Variants in PTBP1 observed in about 807,000 individuals in gnomAD.
PTBP1 encodes the protein polypyrimidine tract-binding protein 1.
In PTBP1, 8 loss-of-function variants were observed where a neutral mutation model predicts 59.8. The observed-to-expected ratio is 0.13, with a 90% CI of 0.08 to 0.24. The LOEUF is 0.24. Ranked by LOEUF, PTBP1 falls within the 10% of genes least tolerant of loss-of-function variation. The pLI, the probability that PTBP1 is intolerant of heterozygous loss-of-function variation, is 1.00. For synonymous variants in PTBP1, 490 were observed against 320.7 expected (o/e 1.53, Z -5.64); for missense variants, 686 against 767.0 (o/e 0.89, Z 1.25).
intron 9 of PTBP1, chr19:806,101 G>A (rs933789533): frequency 6.2e-6 from 2 of 324,686 alleles, no homozygotes; most frequent in Non-Finnish European, 1.1e-5. Context: ...GACGGGCCCT[G>A]CTTGCCGAGG....
At chr19:810,505 C>A in intron 13 of PTBP1, 38 bp from the exon 14 acceptor site, 1 of 1,587,960 alleles carries the variant, frequency 6.3e-7, no homozygotes, top group East Asian at 2.2e-5. Flanking sequence ...GCCCCCACCC[C>A]CACGCGGCCC....
chr19:797,928 G>T (rs1389219554), intron 1 of PTBP1, among the ~76,000 whole-genome samples: 1 of 148,668 alleles, frequency 6.7e-6, no homozygotes, highest in Non-Finnish European at 1.5e-5. Flanking sequence ...GTCCCCGTTG[G>T]CCCCAGCGCG....
intron 10 of PTBP1, 25 bp from the exon 11 acceptor site, chr19:807,844 C>A: frequency 6.2e-7 from 1 of 1,611,658 alleles, no homozygotes. Context: ...TGTCCCTCCG[C>A]TGCCTTGCTC....
chr19:810,084 A>G (rs570912927), intron 13 of PTBP1, among the ~76,000 whole-genome samples: 1 of 152,318 alleles, frequency 6.6e-6, no homozygotes, highest in East Asian at 1.9e-4. Flanking sequence ...AGGCAGGCAG[A>G]TCACCTGAGG....
At position 807,886 on chromosome 19, in the gene PTBP1, C is replaced by A; in HGVS notation, c.1137C>A (p.Ser379Arg). ...CTCTAAAGAGAGTCACACCCCAAAGCCTCTTTATTCTTTTCGGTATGTTAT... is the reference window on the plus strand; with the variant it reads ...CTCTAAAGAGAGTCACACCCCAAAGACTCTTTATTCTTTTCGGTATGTTAT... The part of the protein sequence containing the change: ...NLNPERVTPQ[S>R]LFILFGVYGD... The change falls in exon 11 of 15, where the codon AGC becomes AGA. Residue 379 changes from serine (S) to arginine (R), a missense_variant. Transcript: ENST00000356948. The A allele has an allele frequency of 6.2e-7, 1 of 1,613,550 alleles. No homozygotes were observed. Among genetic ancestry groups the A allele is most frequent in the Non-Finnish European group, 8.5e-7 (1 of 1,179,484 alleles).
In PTBP1 at chr19:805,571, T is replaced by C; in HGVS notation, c.970+2T>C. 6.2e-7 allele frequency: 1 copy of C among 1,612,644 alleles called. No individual in the cohort carries two copies. Among genetic ancestry groups the C allele is most frequent in the Non-Finnish European group, 8.5e-7 (1 of 1,178,694 alleles). On this transcript the variant is annotated splice_donor_variant, in intron 9 of 14. Transcript: ENST00000356948. LOFTEE classifies it high-confidence loss of function. ...CCTTTGCCATTCCTCAAGCTGCAGGTATTCAAACGCTTGGTCTTGGTTCCC... is the reference window on the plus strand; with the variant it reads ...CCTTTGCCATTCCTCAAGCTGCAGGCATTCAAACGCTTGGTCTTGGTTCCC...
intron 2 of PTBP1, among the ~76,000 whole-genome samples, chr19:800,413 A>G (rs919974757): frequency 2.0e-5 from 3 of 152,018 alleles, no homozygotes; most frequent in Non-Finnish European, 4.4e-5. Flanking sequence ...GGAGAAGAAG[A>G]AGGTCCTGGG....
intron 13 of PTBP1, among the ~76,000 whole-genome samples, chr19:809,692 C>G (rs2034763978): frequency 6.6e-6 from 1 of 152,134 alleles, no homozygotes; most frequent in African/African-American, 2.4e-5. Flanking sequence ...GAGTTAAGAC[C>G]AGCCTGAGCA....
chr19:799,701 G>T (rs1013435621), intron 2 of PTBP1, among the ~76,000 whole-genome samples: 2 of 152,212 alleles, frequency 1.3e-5, no homozygotes, highest in African/African-American at 4.8e-5. Flanking sequence ...GCTGTCAGCA[G>T]CGAGGGCTCT....
At position 803,619 on chromosome 19, in the gene PTBP1, G is replaced by A; in HGVS notation, c.98G>A (p.Ser33Asn). The change falls in exon 3 of 15, where the codon AGC becomes AAC. Residue 33 changes from serine (S) to asparagine (N), a missense_variant. By Grantham distance (46) the Ser-to-Asn change is conservative. Coordinates refer to ENST00000356948, the MANE Select transcript of PTBP1 (RefSeq NM_002819.5). ...ACTAACGGACCGTTTATCATGAGCA[G>A]CAACTCGGCTTCTGCAGGTAAGGCC... ...CVTNGPFIMS[S>N]NSASAANGND... The A allele has an allele frequency of 1.2e-6, 2 of 1,614,174 alleles. No individual in the cohort carries two copies. Among genetic ancestry groups the A allele is most frequent in the South Asian group, 1.1e-5 (1 of 91,090 alleles).
In PTBP1 at chr19:811,284, G is replaced by A. The variant is rs1460916888; in HGVS notation, c.*458G>A. 4 of 153,112 alleles carry A rather than the reference G, an allele frequency of 2.6e-5. No homozygotes were observed. The highest frequency in any genetic ancestry group is 9.6e-5 in the African/African-American group (4 of 41,498). 9.5% of individuals were successfully genotyped at this position (153,112 alleles called of 1,614,324 possible). On this transcript the variant is annotated 3_prime_UTR_variant, in exon 15 of 15. Coordinates refer to ENST00000356948, the MANE Select transcript of PTBP1 (RefSeq NM_002819.5). ...GGCTCCTGCAGGATCATGCAGCTGG[G>A]GCGCGGCGGCCGCGGCTGCGACACC...
At chr19:798,447 A>G (rs1464058700) in intron 1 of PTBP1, 1 of 152,230 alleles carries the variant, frequency 6.6e-6, no homozygotes, top group East Asian at 1.9e-4. Flanking sequence ...GGGTTCAGTC[A>G]CTTTTAAAAG....
chr19:808,351 C>T lies in PTBP1; in HGVS notation c.1154-9C>T, dbSNP rs371104900. On this transcript the variant is annotated splice_polypyrimidine_tract_variant and intron_variant, in intron 11 of 14. Coordinates refer to ENST00000356948, the MANE Select transcript of PTBP1 (RefSeq NM_002819.5). The surrounding 1 kb of genome is among the most constrained non-coding windows in gnomAD (Gnocchi z 4.7). Reference sequence around the variant, plus strand: ...AGGAGACTCAGGCCCCATCCCTGGGCTTTTGAAGGCGTCTACGGTGACGTG... The same window carrying T: ...AGGAGACTCAGGCCCCATCCCTGGGTTTTTGAAGGCGTCTACGGTGACGTG... 467 of 1,588,964 alleles carry T rather than the reference C, an allele frequency of 2.9e-4. No individual in the cohort carries two copies. Among genetic ancestry groups the T allele is most frequent in the Middle Eastern group, 1.6e-3 (7 of 4,506 alleles).
chr19:804,512 C>T lies in PTBP1; in HGVS notation c.436-20C>T, dbSNP rs749596706. On this transcript the variant is annotated intron_variant, in intron 5 of 14. Coordinates refer to ENST00000356948, the MANE Select transcript of PTBP1 (RefSeq NM_002819.5). ...GGCCCAGCCGCAGGGGCCGGGGACT[C>T]ACGGCTGTGCCTCCCACAGCGGGCC... 3 of 1,596,198 alleles carry T rather than the reference C, an allele frequency of 1.9e-6. No individual in the cohort carries two copies. The highest frequency in any genetic ancestry group is 2.2e-5 in the East Asian group (1 of 44,700).
rs778125417 is a variant in PTBP1, at chr19:799,401, TTC to T, written c.9-6_9-5del. The T allele has an allele frequency of 1.9e-6, 3 of 1,613,676 alleles. No individual in the cohort carries two copies. The African/African-American group carries it at 4.0e-5, about 22-fold the overall frequency. On this transcript the variant is annotated splice_polypyrimidine_tract_variant and intron_variant, in intron 1 of 14. Coordinates refer to ENST00000356948, the MANE Select transcript of PTBP1 (RefSeq NM_002819.5). ...ACCAGGCTAACGTTGTCTCCTTTCTTTCTCTCTACAGCATTGTCCCAGATATA... is the reference window on the plus strand; with the variant it reads ...ACCAGGCTAACGTTGTCTCCTTTCTTTCTCTACAGCATTGTCCCAGATATA...
intron 10 of PTBP1, 26 bp from the exon 11 acceptor site, chr19:807,843 G>A (rs761648237): frequency 1.6e-5 from 25 of 1,610,628 alleles, no homozygotes; most frequent in East Asian, 2.2e-5. Flanking sequence ...CTGTCCCTCC[G>A]CTGCCTTGCT....
chr19:805,262 A>G (rs2145049267), intron 8 of PTBP1, 75 bp downstream of exon 8: 1 of 1,532,674 alleles, frequency 6.5e-7, no homozygotes, highest in Admixed American at 1.8e-5. Context: ...CCCCGGCGGC[A>G]CGGGCCCGGC....
chr19:798,092 C>G (rs534349483), intron 1 of PTBP1, among the ~76,000 whole-genome samples: 1 of 151,702 alleles, frequency 6.6e-6, no homozygotes, highest in South Asian at 2.1e-4. Flanking sequence ...GCGCTCCCCG[C>G]CCTACCCCTG....
chr19:805,939 C>A, intron 9 of PTBP1: 1 of 297,152 alleles, frequency 3.4e-6, no homozygotes, highest in Non-Finnish European at 6.3e-6. Context: ...GCATGACCGG[C>A]GGCGGGACGT....
Sources: gnomAD v4.1 joint callset for allele counts (sites outside exome capture counted in the v4.1 genomes callset) on GRCh38, gnomAD v4.1.1 for gene constraint, Gnocchi (gnomAD v3.1) non-coding constraint, MANE v1.5 for transcripts, NCBI Gene and HGNC (gene_info 2026-07-23, HGNC 2026-07-21) for gene names.